The following MAPK8 variants were observed in gnomAD, a reference collection of about 807,000 sequenced individuals.
The protein encoded by MAPK8 is mitogen-activated protein kinase 8.
In MAPK8, 13 loss-of-function variants were observed where a neutral mutation model predicts 52.9. The observed-to-expected ratio is 0.25, with a 90% CI of 0.16 to 0.39. MAPK8 has a LOEUF of 0.39. Among genes scored for constraint, MAPK8 ranks in the 10% least tolerant of loss-of-function variants. The pLI is 1.00. For synonymous variants in MAPK8, 191 were observed against 169.8 expected, an observed-to-expected ratio of 1.12 and a Z score of -0.97; for missense variants, 300 against 519.2, an observed-to-expected ratio of 0.58 and a Z score of 4.10.
intron 1 of MAPK8, among the ~76,000 whole-genome samples, chr10:48,397,605 T>G (rs2041953041): frequency 6.6e-6 from 1 of 152,162 alleles, no homozygotes; most frequent in South Asian, 2.1e-4. Context: ...TTTTTTCTTT[T>G]TTTGAGACAG....
chr10:48,406,920 T>A (rs2042501940), intron 3 of MAPK8, among the ~76,000 whole-genome samples: 1 of 152,242 alleles, frequency 6.6e-6, no homozygotes, highest in African/African-American at 2.4e-5. Flanking sequence ...ACTGTAGACA[T>A]TAAAACCCTG....
Position 48,437,278 on chromosome 10 carries a change from A to G in MAPK8, c.*2249A>G, listed in dbSNP as rs988583169. 5 of 152,178 alleles carry G rather than the reference A, an allele frequency of 3.3e-5. No individual in the cohort carries two copies. Among genetic ancestry groups the G allele is most frequent in the African/African-American group, 1.2e-4 (5 of 41,452 alleles). 9.4% of individuals were successfully genotyped at this position (152,178 alleles called of 1,614,324 possible). A position where few individuals can be genotyped will look rare whatever the true frequency, so the allele number is the denominator to read the frequency against. Reference sequence around the variant, plus strand: ...GTTTTAAATTACTACATCCAAATACAGTTTTCGTCTTAAATTTGTTAAGCT... The same window carrying G: ...GTTTTAAATTACTACATCCAAATACGGTTTTCGTCTTAAATTTGTTAAGCT... On this transcript the variant is annotated 3_prime_UTR_variant, in exon 12 of 12. Transcript: ENST00000374189.
chr10:48,320,307 G>A (rs1041678134), intron 1 of MAPK8, among the ~76,000 whole-genome samples: 1 of 141,288 alleles, frequency 7.1e-6, no homozygotes, highest in Non-Finnish European at 1.5e-5. Context: ...CCATGATCGT[G>A]GCTCACTACA....
intron 10 of MAPK8, 170 bp from the exon 11 acceptor site, chr10:48,431,023 T>A: frequency 4.7e-6 from 3 of 638,752 alleles, no homozygotes; most frequent in Non-Finnish European, 8.4e-6. Flanking sequence ...GTCAAGGAAT[T>A]GTTATTAATT....
At chr10:48,376,854 A>G (rs933668556) in intron 1 of MAPK8, among the ~76,000 whole-genome samples, 5 of 152,214 alleles carry the variant, frequency 3.3e-5, no homozygotes, top group South Asian at 2.1e-4. Flanking sequence ...TGACCCAGCA[A>G]TCCCATTACT....
chr10:48,426,841 A>T, intron 9 of MAPK8: 1 of 492,960 alleles, frequency 2.0e-6, no homozygotes, highest in Non-Finnish European at 3.6e-6. Context: ...TGTGATATAA[A>T]TAAAATGTGG....
intron 1 of MAPK8, among the ~76,000 whole-genome samples, chr10:48,319,571 C>G (rs1842798278): frequency 1.3e-5 from 2 of 152,128 alleles, no homozygotes; most frequent in South Asian, 4.2e-4. Flanking sequence ...CTCTCTACAG[C>G]CTCCACCTCC....
At chr10:48,332,238 G>A (rs1184356485) in intron 1 of MAPK8, among the ~76,000 whole-genome samples, 1 of 152,172 alleles carries the variant, frequency 6.6e-6, no homozygotes, top group Non-Finnish European at 1.5e-5. Context: ...GCATTTCTGT[G>A]AAATCTACTT....
chr10:48,357,982 T>C (rs2132502247), intron 1 of MAPK8, among the ~76,000 whole-genome samples: 1 of 152,354 alleles, frequency 6.6e-6, no homozygotes, highest in East Asian at 1.9e-4. Flanking sequence ...TCACTTAGCA[T>C]AATGTCCTCA....
chr10:48,370,124 A>G (rs1343068485), intron 1 of MAPK8, among the ~76,000 whole-genome samples: 2 of 152,316 alleles, frequency 1.3e-5, no homozygotes, highest in East Asian at 3.9e-4. Context: ...TCAGGGCACT[A>G]TTACATTGTA....
chr10:48,325,676 A>G (rs762714402), intron 1 of MAPK8, among the ~76,000 whole-genome samples: 1 of 152,206 alleles, frequency 6.6e-6, no homozygotes, highest in Non-Finnish European at 1.5e-5. Context: ...ATTATTAACT[A>G]AAATCCATAG....
intron 1 of MAPK8, among the ~76,000 whole-genome samples, chr10:48,357,018 A>G (rs1468582556): frequency 6.6e-6 from 1 of 152,092 alleles, no homozygotes; most frequent in Admixed American, 6.6e-5. Context: ...TTGCACTGAT[A>G]AAAGGTAACA....
At chr10:48,353,359 A>C (rs1846526018) in intron 1 of MAPK8, among the ~76,000 whole-genome samples, 1 of 152,234 alleles carries the variant, frequency 6.6e-6, no homozygotes, top group Non-Finnish European at 1.5e-5. Context: ...TAGCATAATC[A>C]AGACAGTGTA....
At chr10:48,321,977 G>C (rs551016837) in intron 1 of MAPK8, among the ~76,000 whole-genome samples, 1 of 152,284 alleles carries the variant, frequency 6.6e-6, no homozygotes, top group African/African-American at 2.4e-5. Context: ...TGTGTAATGG[G>C]TTATGTTGGA....
At chr10:48,327,484 C>T (rs1386042776) in intron 1 of MAPK8, among the ~76,000 whole-genome samples, 1 of 152,122 alleles carries the variant, frequency 6.6e-6, no homozygotes, top group East Asian at 1.9e-4. Flanking sequence ...ATTCAATTTA[C>T]TAATATTTTG....
intron 1 of MAPK8, among the ~76,000 whole-genome samples, chr10:48,380,001 T>G (rs1252081751): frequency 6.7e-6 from 1 of 149,562 alleles, no homozygotes; most frequent in East Asian, 1.9e-4. Flanking sequence ...CCCAGCACTT[T>G]GGGAGGCTGA....
chr10:48,414,630 G>A (rs1813085052), intron 5 of MAPK8, among the ~76,000 whole-genome samples: 1 of 142,860 alleles, frequency 7.0e-6, no homozygotes, highest in African/African-American at 2.6e-5. Context: ...AGGCATGAGT[G>A]CAGTAGCATG....
At chr10:48,336,222 A>G (rs1844671309) in intron 1 of MAPK8, among the ~76,000 whole-genome samples, 1 of 152,246 alleles carries the variant, frequency 6.6e-6, no homozygotes, top group African/African-American at 2.4e-5. Flanking sequence ...ACATCACAAC[A>G]TATATGGCAG....
chr10:48,338,920 A>C (rs1375092518), intron 1 of MAPK8, among the ~76,000 whole-genome samples: 2 of 152,158 alleles, frequency 1.3e-5, no homozygotes, highest in African/African-American at 4.8e-5. Flanking sequence ...AACACTGATG[A>C]AAGAATTCAT....
Sources: gnomAD v4.1 joint callset for allele counts (sites outside exome capture counted in the v4.1 genomes callset) on GRCh38, gnomAD v4.1.1 for gene constraint, MANE v1.5 for transcripts, NCBI Gene and HGNC (gene_info 2026-07-23, HGNC 2026-07-21) for gene names.